The following LIMS1 variants were observed in gnomAD, a reference collection of about 807,000 sequenced individuals.
LIMS1 encodes LIM zinc finger domain containing 1.
LIMS1 carries 18 observed loss-of-function variants against 44.1 expected under a neutral mutation model. The ratio of observed to expected loss-of-function variants is 0.41; its 90% confidence interval spans 0.28 to 0.61. LIMS1 has a LOEUF of 0.61. LIMS1 is among the 20% of genes least tolerant of loss of function. The pLI, the probability that LIMS1 is intolerant of heterozygous loss-of-function variation, is 0.32. For missense variants in LIMS1, 201 were observed against 422.0 expected (o/e 0.48, Z 4.59); for synonymous variants, 93 against 149.1 (o/e 0.62, Z 2.74).
intron 1 of LIMS1, among the ~76,000 whole-genome samples, chr2:108,572,144 C>CT (rs967532582): frequency 1.2e-3 from 179 of 147,360 alleles, no homozygotes; most frequent in African/African-American, 4.1e-3. Flanking sequence ...AGGGACTGGG[C>CT]TTTTTTTTTT....
chr2:108,551,503 A>G (rs1212332351), intron 1 of LIMS1, among the ~76,000 whole-genome samples: 27 of 139,942 alleles, frequency 1.9e-4, no homozygotes, highest in South Asian at 6.5e-4. Flanking sequence ...ACACACACAC[A>G]CACACACACA....
chr2:108,651,990 C>G (rs1201855166), intron 1 of LIMS1, among the ~76,000 whole-genome samples: 4 of 137,772 alleles, frequency 2.9e-5, no homozygotes, highest in Non-Finnish European at 6.2e-5. Flanking sequence ...CTTCTTATTG[C>G]ATGGTTGATT....
At chr2:108,561,777 CTG>C (rs755189811) in intron 1 of LIMS1, among the ~76,000 whole-genome samples, 137 of 143,356 alleles carry the variant, frequency 9.6e-4, no homozygotes, top group Non-Finnish European at 1.8e-3. Context: ...GAGTCTCACT[CTG>C]TTGCCAGGCT....
chr2:108,650,796 CA>C (rs770165413), intron 1 of LIMS1, among the ~76,000 whole-genome samples: 14 of 152,230 alleles, frequency 9.2e-5, no homozygotes, highest in Non-Finnish European at 1.9e-4. Flanking sequence ...CTTGTTCACT[CA>C]GCACTGGGCA....
chr2:108,681,411 TA>T (rs1692984941), intron 9 of LIMS1: 1 of 976,026 alleles, frequency 1.0e-6, no homozygotes, highest in Non-Finnish European at 1.2e-6. Flanking sequence ...AAACACCATA[TA>T]GTATACATTT....
intron 1 of LIMS1, among the ~76,000 whole-genome samples, chr2:108,592,455 AT>A (rs1686453679): frequency 6.6e-6 from 1 of 152,092 alleles, no homozygotes; most frequent in East Asian, 1.9e-4. Context: ...ACTTATACCA[AT>A]TTTTGTGTGT....
chr2:108,666,146 G>T (rs944716913), intron 2 of LIMS1, among the ~76,000 whole-genome samples: 5 of 152,180 alleles, frequency 3.3e-5, no homozygotes, highest in Non-Finnish European at 7.3e-5. Flanking sequence ...GCAGCCCCAG[G>T]ACTGTCCTCC....
chr2:108,576,689 G>A (rs1459604865), intron 1 of LIMS1, among the ~76,000 whole-genome samples: 3 of 152,108 alleles, frequency 2.0e-5, no homozygotes, highest in African/African-American at 4.8e-5. Flanking sequence ...GTGAGCCACC[G>A]TGCCTGGCCA....
chr2:108,584,568 G>A (rs1011680688), intron 1 of LIMS1, among the ~76,000 whole-genome samples: 2 of 152,042 alleles, frequency 1.3e-5, no homozygotes, highest in African/African-American at 4.8e-5. Flanking sequence ...CCTCCACAAG[G>A]TTAGAAACAG....
intron 1 of LIMS1, among the ~76,000 whole-genome samples, chr2:108,648,098 A>G (rs1440058060): frequency 6.6e-6 from 1 of 152,238 alleles, no homozygotes; most frequent in African/African-American, 2.4e-5. Flanking sequence ...CCTTAAGCTG[A>G]TAAGCAAATT....
At chr2:108,624,228 A>G (rs1400740174) in intron 1 of LIMS1, among the ~76,000 whole-genome samples, 1 of 152,240 alleles carries the variant, frequency 6.6e-6, no homozygotes, top group Non-Finnish European at 1.5e-5. Flanking sequence ...CATCTAAGAT[A>G]TACCCATGTA....
At chr2:108,573,956 G>T (rs1685579072) in intron 1 of LIMS1, among the ~76,000 whole-genome samples, 2 of 152,092 alleles carry the variant, frequency 1.3e-5, no homozygotes, top group Admixed American at 1.3e-4. Flanking sequence ...CATTCAGCTA[G>T]GGAATGGCTG....
At chr2:108,593,356 A>T (rs572346780) in intron 1 of LIMS1, among the ~76,000 whole-genome samples, 2 of 151,774 alleles carry the variant, frequency 1.3e-5, no homozygotes, top group African/African-American at 2.4e-5. Context: ...CTCCCCTTCG[A>T]TTGCCTTTTC....
At chr2:108,652,274 A>G (rs1690548803) in intron 1 of LIMS1, among the ~76,000 whole-genome samples, 1 of 152,300 alleles carries the variant, frequency 6.6e-6, no homozygotes, top group African/African-American at 2.4e-5. Context: ...ACAGTGCCAC[A>G]AATTGGAAGG....
chr2:108,602,924 C>G (rs1428754743), intron 1 of LIMS1, among the ~76,000 whole-genome samples: 1 of 152,114 alleles, frequency 6.6e-6, no homozygotes, highest in Non-Finnish European at 1.5e-5. Flanking sequence ...TGCCACCATG[C>G]CTGGCTAATT....
intron 1 of LIMS1, among the ~76,000 whole-genome samples, chr2:108,612,045 C>A (rs1414536520): frequency 4.5e-5 from 4 of 89,886 alleles, no homozygotes; most frequent in Non-Finnish European, 8.5e-5. Context: ...CACACACACA[C>A]ACACACACAT....
chr2:108,575,994 T>C (rs1685658618), intron 1 of LIMS1, among the ~76,000 whole-genome samples: 1 of 152,220 alleles, frequency 6.6e-6, no homozygotes, highest in South Asian at 2.1e-4. Flanking sequence ...TTGAAGTCTT[T>C]CTATACCTGG....
At chr2:108,625,713 G>GGAAGT (rs1558815660) in intron 1 of LIMS1, among the ~76,000 whole-genome samples, 1 of 152,140 alleles carries the variant, frequency 6.6e-6, no homozygotes, top group Non-Finnish European at 1.5e-5. Flanking sequence ...CTGCAGCGTT[G>GGAAGT]ACCTTGAAGT....
intron 1 of LIMS1, chr2:108,621,124 C>T: frequency 1.8e-6 from 1 of 554,648 alleles, no homozygotes; most frequent in Non-Finnish European, 2.9e-6. Context: ...ACCGCTTCCC[C>T]CCTCCCCAAG....
Sources: allele counts gnomAD v4.1 joint callset (sites outside exome capture counted in the v4.1 genomes callset), GRCh38; gene constraint gnomAD v4.1.1; transcripts MANE v1.5; gene names NCBI Gene and HGNC (gene_info 2026-07-23, HGNC 2026-07-21).